The following MYH9 variants were observed in gnomAD, a reference collection of about 807,000 sequenced individuals.
MYH9 encodes myosin heavy chain 9, also known as myosin-9.
In MYH9, 29 loss-of-function variants were observed where a neutral mutation model predicts 241.9. The ratio of observed to expected loss-of-function variants is 0.12; its 90% CI spans 0.09 to 0.16. The LOEUF is 0.16. Among genes scored for constraint, MYH9 ranks in the 10% least tolerant of loss-of-function variants. The probability of loss-of-function intolerance (pLI) is 1.00; values close to 1 mark genes in which losing one functional copy is unlikely to be tolerated. For missense variants in MYH9, 1,803 were observed against 2,595.5 expected (o/e 0.69, Z 6.63); for synonymous variants, 1,047 against 1,062.6 (o/e 0.99, Z 0.29).
chr22:36,322,412 G>A lies in MYH9; in HGVS notation c.705+17C>T, dbSNP rs180775994. 303 of 1,612,902 alleles carry A rather than the reference G, an allele frequency of 1.9e-4. No individual in the cohort carries two copies. Among genetic ancestry groups the A allele is most frequent in the African/African-American group, 1.7e-3 (124 of 75,032 alleles). On this transcript the variant is annotated intron_variant, in intron 6 of 40. Coordinates refer to ENST00000216181, the MANE Select transcript of MYH9 (RefSeq NM_002473.6). ...GGCCCTCTGTCCCCAGAGCCGGGGC[G>A]CCGCCGCGCTACTCACGAAGCGGGA...
At chr22:36,327,371 C>T (rs928174977) in intron 4 of MYH9, 90 bp downstream of exon 4, 6 of 1,492,052 alleles carry the variant, frequency 4.0e-6, no homozygotes, top group Non-Finnish European at 5.6e-6. Context: ...GGGGACTCTG[C>T]AAGCCCCAGT....
chr22:36,302,746 TC>T (rs1242878191), intron 19 of MYH9, 70 bp from the exon 20 acceptor site: 43 of 1,373,940 alleles, frequency 3.1e-5, no homozygotes, highest in Non-Finnish European at 4.1e-5. Flanking sequence ...CCTGGTCTTG[TC>T]CTCAAGCTTT....
chr22:36,320,817 C>A lies in MYH9; in HGVS notation c.849G>T (p.Gly283=). ...TFHIFYYLLS[G]AGEHLKTDLL... ...ACTCACTCTTCAGGTGCTCTCCAGC[C>A]CCAGACAGGAGATAATAGAAGATGT... The change falls in exon 8 of 41, where the codon GGG becomes GGT. Residue 283 remains glycine (G), a synonymous_variant. Coordinates refer to ENST00000216181, the MANE Select transcript of MYH9 (RefSeq NM_002473.6). The surrounding 1 kb of genome is among the most constrained non-coding windows in gnomAD (Gnocchi z 4.8). 2 of 1,614,082 alleles carry A rather than the reference C, an allele frequency of 1.2e-6. No individual in the cohort carries two copies. The highest frequency in any genetic ancestry group is 1.7e-6 in the Non-Finnish European group (2 of 1,179,950).
Position 36,376,742 on chromosome 22 carries a change from A to G in MYH9, c.-20+11065T>C, listed in dbSNP as rs139047041. On this transcript the variant is annotated intron_variant, in intron 1 of 40. Coordinates refer to ENST00000216181, the MANE Select transcript of MYH9 (RefSeq NM_002473.6). ...AACCGGCATTCAAAAGCTTTTGGCT[A>G]TCTAGGCCTCCCTGTCGCAGGCTTA... is the stretch of plus-strand genomic sequence containing the variant. Among the ~76,000 whole-genome samples the G allele has an allele frequency of 5.7e-3, 866 of 152,336 alleles. 6 individuals carry two copies. The highest frequency in any genetic ancestry group is 9.7e-3 in the Admixed American group (149 of 15,304).
rs745795001 is a variant in MYH9 at position 36,292,106 on chromosome 22, G to A, written c.4224C>T (p.Tyr1408=). Residue 1408 remains tyrosine (Y), a synonymous_variant, in exon 31 of 41, where the codon TAC becomes TAT. Transcript: ENST00000216181. ...GCGTCTTGGTCTTCTCCAGCTTGTC[G>A]TAGGCGGCCACCTTCTCCTCGTGCC... The part of the protein sequence containing the change: ...SQRHEEKVAA[Y]DKLEKTKTRL... The A allele has an allele frequency of 2.3e-5, 37 of 1,614,030 alleles. No homozygotes were observed. The highest frequency in any genetic ancestry group is 1.1e-4 in the East Asian group (5 of 44,898).
At chr22:36,302,222 G>T in intron 20 of MYH9, 1 of 286,308 alleles carries the variant, frequency 3.5e-6, no homozygotes, top group Non-Finnish European at 6.8e-6. Flanking sequence ...TTTGTGAGTT[G>T]GTTTTTCGCC....
intron 34 of MYH9, 198 bp from the exon 35 acceptor site, chr22:36,287,044 C>T: frequency 1.4e-6 from 1 of 699,294 alleles, no homozygotes; most frequent in South Asian, 1.8e-5. Context: ...CACACTTTGA[C>T]AGTGTTCGTC....
Position 36,344,917 on chromosome 22 carries a change from G to A in MYH9, c.334-3391C>T, listed in dbSNP as rs992474964. ...TAAAAAGGCACCAATAAAGAGCCAA[G>A]GAGAGAAACAGGAGTTATTTTCACT... On this transcript the variant is annotated intron_variant, in intron 2 of 40. Transcript: ENST00000216181. Among the ~76,000 whole-genome samples, 51 of 152,250 alleles carry A rather than the reference G, an allele frequency of 3.3e-4. 1 individual carries two copies. The highest frequency in any genetic ancestry group is 3.2e-3 in the Middle Eastern group (1 of 316).
chr22:36,283,844 C>T (rs2016533880), intron 40 of MYH9, among the ~76,000 whole-genome samples: 1 of 152,240 alleles, frequency 6.6e-6, no homozygotes, highest in African/African-American at 2.4e-5. Context: ...GGCCAGGTGG[C>T]CTCAAGCAAC....
chr22:36,331,528 G>A (rs1425464380), intron 3 of MYH9, among the ~76,000 whole-genome samples: 1 of 152,204 alleles, frequency 6.6e-6, no homozygotes, highest in East Asian at 1.9e-4. Flanking sequence ...CCTGACCGCA[G>A]GTATTTCATC....
chr22:36,318,251 T>C lies in MYH9; in HGVS notation c.1183A>G (p.Lys395Glu). 6.2e-7 allele frequency: 1 copy of C among 1,613,782 alleles called. No homozygotes were observed. The highest frequency in any genetic ancestry group is 1.1e-5 in the South Asian group (1 of 91,080). ...FTRGILTPRI[K>E]VGRDYVQKAQ... ...TTCTGGACGTAATCCCGTCCCACCTTGATGCGCGGGGTGAGGATTCCTCTG... is the reference window on the plus strand; with the variant it reads ...TTCTGGACGTAATCCCGTCCCACCTCGATGCGCGGGGTGAGGATTCCTCTG... Residue 395 changes from lysine to glutamate, a missense_variant, in exon 11 of 41, where the codon AAG becomes GAG. Around this residue, in one of 11 missense-constraint regions of MYH9, gnomAD observed 222 missense variants for 359.9 expected, o/e 0.62. Transcript: ENST00000216181.
intron 1 of MYH9, among the ~76,000 whole-genome samples, chr22:36,383,535 CTTG>C (rs2018290349): frequency 6.6e-6 from 1 of 152,116 alleles, no homozygotes; most frequent in African/African-American, 2.4e-5. Context: ...ACACGCATAC[CTTG>C]TTGTGCACAG....
intron 4 of MYH9, 118 bp downstream of exon 4, chr22:36,327,343 G>T: frequency 8.6e-7 from 1 of 1,164,966 alleles, no homozygotes; most frequent in Non-Finnish European, 1.3e-6. Flanking sequence ...GTGGAGGAGG[G>T]GCCTTGAATT....
At chr22:36,374,498 C>T (rs889102948) in intron 1 of MYH9, among the ~76,000 whole-genome samples, 8 of 152,176 alleles carry the variant, frequency 5.3e-5, no homozygotes, top group Non-Finnish European at 1.2e-4. Flanking sequence ...CCAGCCTGGG[C>T]GACAGAGTGA....
At chr22:36,301,764 TG>T in intron 20 of MYH9, 99 bp from the exon 21 acceptor site, 6 of 1,525,966 alleles carry the variant, frequency 3.9e-6, no homozygotes, top group Non-Finnish European at 5.4e-6. Flanking sequence ...AACATGAAAG[TG>T]AGGGGCAAGA....
chr22:36,298,403 A>G (rs1227456167), intron 24 of MYH9, among the ~76,000 whole-genome samples: 1 of 152,154 alleles, frequency 6.6e-6, no homozygotes, highest in Non-Finnish European at 1.5e-5. Context: ...CAAGCAATGA[A>G]CTTCCGCAGT....
rs574458495 is a variant in MYH9, at chr22:36,339,989, T to C, written c.490+1381A>G. The stretch of plus-strand genomic sequence containing the variant: ...GGCCCTAATGCTTCAGTCATGTTTT[T>C]AAAAAAAGAATAGGGATTTGCCAGG... On this transcript the variant is annotated intron_variant, in intron 3 of 40. Transcript: ENST00000216181. Among the ~76,000 whole-genome samples the C allele has an allele frequency of 2.0e-5, 3 of 152,100 alleles. No homozygotes were observed. The South Asian group carries it at 6.2e-4, about 32-fold the overall frequency.
At position 36,289,022 on chromosome 22, in the gene MYH9, G is replaced by A. The variant is rs531145832; in HGVS notation, c.4557+63C>T. The stretch of plus-strand genomic sequence containing the variant: ...GCGACCCGGAGTCTGTGCACACACC[G>A]ACCCTCTGTGATGACCCCACTCGGG... On this transcript the variant is annotated intron_variant, in intron 32 of 40. Transcript: ENST00000216181. 100 of 1,612,580 alleles carry A rather than the reference G, an allele frequency of 6.2e-5. 1 individual carries two copies. The highest frequency in any genetic ancestry group is 1.3e-4 in the South Asian group (12 of 91,048).
intron 19 of MYH9, among the ~76,000 whole-genome samples, chr22:36,303,225 G>A (rs146700212): frequency 9.1e-4 from 138 of 152,082 alleles, no homozygotes; most frequent in African/African-American, 3.3e-3. Flanking sequence ...CCCCATCCCC[G>A]AGCACAAGGG....
Sources: gnomAD v4.1 joint callset for allele counts (sites outside exome capture counted in the v4.1 genomes callset) on GRCh38, gnomAD v4.1.1 for gene constraint, gnomAD v4.1.1 regional missense constraint, Gnocchi (gnomAD v3.1) non-coding constraint, MANE v1.5 for transcripts, NCBI Gene and HGNC (gene_info 2026-07-23, HGNC 2026-07-21) for gene names.